Variants in PARD3 observed in about 807,000 individuals in gnomAD.
PARD3 encodes the protein partitioning defective 3 homolog.
A neutral mutation model predicts 155.4 loss-of-function variants in PARD3; 75 were observed. The observed-to-expected ratio is 0.48, with a 90% CI of 0.40 to 0.58. The LOEUF (loss-of-function observed/expected upper bound fraction) is 0.58. Among genes scored for constraint, PARD3 ranks in the 20% least tolerant of loss-of-function variants. PARD3 has a pLI of 0.00. For missense variants in PARD3, 1,642 were observed against 1,721.7 expected (o/e 0.95, Z 0.82); for synonymous variants, 576 against 610.5 (o/e 0.94, Z 0.83).
Position 34,269,639 on chromosome 10 carries a change from A to G in PARD3, c.3419+18T>C. The G allele has an allele frequency of 2.5e-6, 4 of 1,610,432 alleles. No homozygotes were observed. Among genetic ancestry groups the G allele is most frequent in the Non-Finnish European group, 3.4e-6 (4 of 1,177,206 alleles). The stretch of plus-strand genomic sequence containing the variant: ...AAGCTGATTTGGAAGCAATACCACG[A>G]TTGCCCCTGGCGCCTACCTGTCTAC... On this transcript the variant is annotated intron_variant, in intron 22 of 24. Transcript: ENST00000374788.
At chr10:34,447,671 G>A (rs2132738466) in intron 5 of PARD3, among the ~76,000 whole-genome samples, 1 of 151,664 alleles carries the variant, frequency 6.6e-6, no homozygotes, top group South Asian at 2.1e-4. Flanking sequence ...TGGGCGTGGT[G>A]GTGGGCACCT....
chr10:34,127,610 G>C (rs1171376184), intron 23 of PARD3, among the ~76,000 whole-genome samples: 1 of 152,196 alleles, frequency 6.6e-6, no homozygotes, highest in Non-Finnish European at 1.5e-5. Flanking sequence ...TAGTTAAAGA[G>C]TAAATGTCAA....
chr10:34,771,925 A>G (rs184872089), intron 1 of PARD3, among the ~76,000 whole-genome samples: 109 of 152,334 alleles, frequency 7.2e-4, no homozygotes, highest in South Asian at 6.2e-3. Flanking sequence ...TCACACCTGG[A>G]AACAACTTCC....
intron 15 of PARD3, chr10:34,344,670 C>G (rs948050241): frequency 1.0e-6 from 1 of 985,242 alleles, no homozygotes; most frequent in Non-Finnish European, 1.2e-6. Context: ...CCTATGTAGG[C>G]AGCCCCACTA....
intron 2 of PARD3, among the ~76,000 whole-genome samples, chr10:34,556,426 A>C (rs1203532210): frequency 1.4e-5 from 2 of 146,376 alleles, no homozygotes; most frequent in East Asian, 4.0e-4. Flanking sequence ...TCTGTCGCCC[A>C]GGCTAGAGTG....
intron 2 of PARD3, among the ~76,000 whole-genome samples, chr10:34,597,229 C>T (rs1272955416): frequency 1.3e-5 from 2 of 151,978 alleles, no homozygotes; most frequent in Non-Finnish European, 2.9e-5. Flanking sequence ...GAGCACCTGA[C>T]CTACAAGAAG....
chr10:34,707,371 G>C (rs1047769797), intron 1 of PARD3, among the ~76,000 whole-genome samples: 2 of 152,136 alleles, frequency 1.3e-5, no homozygotes, highest in African/African-American at 4.8e-5. Flanking sequence ...TTCTCCAAGT[G>C]GGAGTCCAGG....
intron 24 of PARD3, among the ~76,000 whole-genome samples, chr10:34,115,522 T>C (rs893382267): frequency 2.6e-5 from 4 of 152,106 alleles, no homozygotes; most frequent in African/African-American, 9.7e-5. Context: ...CTGCACAGCA[T>C]GGTAGGTATA....
At chr10:34,553,576 G>GTGCTCAGCACAGCA (rs1437939957) in intron 2 of PARD3, among the ~76,000 whole-genome samples, 2 of 152,158 alleles carry the variant, frequency 1.3e-5, no homozygotes, top group African/African-American at 4.8e-5. Flanking sequence ...CAAGGTACTG[G>GTGCTCAGCACAGCA]CATGTTGGGT....
chr10:34,782,022 A>T lies in PARD3; in HGVS notation c.120+32854T>A, dbSNP rs1217477588. Among the ~76,000 whole-genome samples the T allele has an allele frequency of 3.3e-5, 5 of 152,250 alleles. No homozygotes were observed. In the East Asian group the frequency reaches 7.7e-4, roughly 23 times the overall value. On this transcript the variant is annotated intron_variant, in intron 1 of 24. Coordinates refer to ENST00000374788, the MANE Select transcript of PARD3 (RefSeq NM_001184785.2). ...GGCACCTACTGAGAAATGCTGACACAGCTGCAATGATTTTTTAGATATTTT... is the reference window on the plus strand; with the variant it reads ...GGCACCTACTGAGAAATGCTGACACTGCTGCAATGATTTTTTAGATATTTT...
chr10:34,441,629 TGTCCTTCTAAGAAGAAC>T (rs898502657), intron 5 of PARD3, among the ~76,000 whole-genome samples: 13 of 152,292 alleles, frequency 8.5e-5, no homozygotes, highest in Middle Eastern at 3.4e-3. Flanking sequence ...AAAATGTGTG[TGTCCTTCTAAGAAGAAC>T]GTCCACCAGA....
intron 22 of PARD3, among the ~76,000 whole-genome samples, chr10:34,259,175 T>C (rs1954821806): frequency 6.6e-6 from 1 of 152,088 alleles, no homozygotes; most frequent in African/African-American, 2.4e-5. Flanking sequence ...AGCACTCAAG[T>C]TTCATTGAAT....
chr10:34,546,275 T>C (rs910873597), intron 2 of PARD3, among the ~76,000 whole-genome samples: 4 of 152,062 alleles, frequency 2.6e-5, no homozygotes, highest in Admixed American at 2.6e-4. Context: ...CCCAGCACTT[T>C]GGGAGGCCGA....
intron 4 of PARD3, among the ~76,000 whole-genome samples, chr10:34,462,553 A>G (rs2077716835): frequency 6.6e-6 from 1 of 152,176 alleles, no homozygotes; most frequent in African/African-American, 2.4e-5. Context: ...GAAATCAAGA[A>G]GTCAAACTGG....
chr10:34,233,997 T>C (rs908486269), intron 22 of PARD3, among the ~76,000 whole-genome samples: 3 of 152,136 alleles, frequency 2.0e-5, no homozygotes, highest in Non-Finnish European at 4.4e-5. Context: ...ACCAAGCCCC[T>C]ATACTAAATC....
intron 20 of PARD3, among the ~76,000 whole-genome samples, chr10:34,300,980 T>C (rs1957119944): frequency 6.6e-6 from 1 of 152,218 alleles, no homozygotes; most frequent in Non-Finnish European, 1.5e-5. Context: ...CCTTATATCC[T>C]AATAGCTACA....
intron 22 of PARD3, among the ~76,000 whole-genome samples, chr10:34,179,416 T>C (rs1229262585): frequency 6.6e-6 from 1 of 152,210 alleles, no homozygotes; most frequent in Non-Finnish European, 1.5e-5. Flanking sequence ...ATCATGGTAA[T>C]ATGAGATACC....
At chr10:34,286,349 T>C (rs1480644855) in intron 20 of PARD3, among the ~76,000 whole-genome samples, 1 of 151,972 alleles carries the variant, frequency 6.6e-6, no homozygotes, top group Non-Finnish European at 1.5e-5. Context: ...CTACTGCTTA[T>C]ACTCAGGTAA....
At chr10:34,580,464 A>C (rs565321038) in intron 2 of PARD3, among the ~76,000 whole-genome samples, 12 of 152,142 alleles carry the variant, frequency 7.9e-5, no homozygotes, top group Non-Finnish European at 2.9e-5. Flanking sequence ...GAGCCTAAGA[A>C]GTCCAGGTTG....
Sources: allele counts gnomAD v4.1 joint callset (sites outside exome capture counted in the v4.1 genomes callset), GRCh38; gene constraint gnomAD v4.1.1; transcripts MANE v1.5; gene names NCBI Gene and HGNC (gene_info 2026-07-23, HGNC 2026-07-21).